KCNQ4: variants seen among roughly 807,000 people sequenced by gnomAD.
KCNQ4 encodes the protein potassium voltage-gated channel subfamily Q member 4.
In KCNQ4, 31 loss-of-function variants were observed where a neutral mutation model predicts 72.6. The observed-to-expected ratio is 0.43, with a 90% CI of 0.32 to 0.58. KCNQ4 has a LOEUF of 0.58. KCNQ4 is among the 20% of genes least tolerant of loss of function. The pLI, the probability that KCNQ4 is intolerant of heterozygous loss-of-function variation, is 0.08. For missense variants in KCNQ4, 869 were observed against 962.6 expected (o/e 0.90, Z 1.29); for synonymous variants, 405 against 403.7 (o/e 1.00, Z -0.04).
At chr1:40,837,637 G>A in intron 12 of KCNQ4, 28 bp from the exon 13 acceptor site, 1 of 1,607,012 alleles carries the variant, frequency 6.2e-7, no homozygotes. Flanking sequence ...CGTGTCCCCG[G>A]GCCCTCTGAT....
intron 12 of KCNQ4, among the ~76,000 whole-genome samples, chr1:40,835,716 GAT>G (rs1329524048): frequency 6.6e-6 from 1 of 152,222 alleles, no homozygotes; most frequent in Admixed American, 6.5e-5. Flanking sequence ...GAGAATAAGT[GAT>G]AAATAAGTAA....
Position 40,784,376 on chromosome 1 carries a change from C to G in KCNQ4, c.283C>G (p.Arg95Gly), listed in dbSNP as rs892642305. The change falls in exon 1 of 14, where the codon CGC becomes GGC. Residue 95 changes from arginine (R) to glycine (G), a missense_variant. This residue lies in a region of KCNQ4 where 178 missense variants were observed against 145.3 expected (regional missense o/e 1.22). Transcript: ENST00000347132. This position sits in a 1 kb window ranked among gnomAD's most constrained non-coding sequence, Gnocchi z 4.1. ...GGTCTACAACGTGCTGGAGCGGCCC[C>G]GCGGCTGGGCCTTCGTCTACCACGT... The part of the protein sequence containing the change: ...NWVYNVLERP[R>G]GWAFVYHVFI... The G allele has an allele frequency of 2.5e-6, 4 of 1,609,960 alleles. No individual in the cohort carries two copies. Among genetic ancestry groups the G allele is most frequent in the Non-Finnish European group, 3.4e-6 (4 of 1,179,360 alleles).
rs574794136 is a variant in KCNQ4, at chr1:40,831,193, G to A, written c.1402G>A (p.Glu468Lys). Reference protein sequence around the residue: ...PPTMPTSPSSEQVGEATSPTK... With the variant: ...PPTMPTSPSSKQVGEATSPTK... ...AACAATGCCCACCTCCCCAAGCAGC[G>A]AGCAGGTGGGTGAGGCCACCAGCCC... The change falls in exon 10 of 14, where the codon GAG (glutamate) becomes AAG (lysine). Residue 468 changes from glutamate (E) to lysine (K), a missense_variant. Physicochemically the swap from Glu to Lys is moderately conservative, Grantham distance 56. Transcript: ENST00000347132. 1.8e-5 allele frequency: 29 copies of A among 1,610,544 alleles called. No homozygotes were observed. The highest frequency in any genetic ancestry group is 1.1e-4 in the East Asian group (5 of 44,760).
intron 1 of KCNQ4, among the ~76,000 whole-genome samples, chr1:40,787,765 A>G (rs1422073058): frequency 6.6e-6 from 1 of 152,140 alleles, no homozygotes; most frequent in African/African-American, 2.4e-5. Flanking sequence ...CTGAATTTTA[A>G]GAAATACCAC....
chr1:40,810,945 T>C (rs1197411664), intron 1 of KCNQ4, among the ~76,000 whole-genome samples: 1 of 152,236 alleles, frequency 6.6e-6, no homozygotes, highest in Non-Finnish European at 1.5e-5. Context: ...TTTTCTCATT[T>C]GAATAACAGC....
intron 1 of KCNQ4, among the ~76,000 whole-genome samples, chr1:40,792,824 CA>C (rs1367258300): frequency 6.6e-6 from 1 of 152,024 alleles, no homozygotes; most frequent in Non-Finnish European, 1.5e-5. Flanking sequence ...ATTTTACAGA[CA>C]GGGGGATTAA....
chr1:40,812,553 C>T (rs559831626), intron 1 of KCNQ4, among the ~76,000 whole-genome samples: 3 of 152,304 alleles, frequency 2.0e-5, no homozygotes, highest in South Asian at 2.1e-4. Flanking sequence ...TGAGCCACCG[C>T]GCCTCGTCCC....
intron 1 of KCNQ4, among the ~76,000 whole-genome samples, chr1:40,798,343 T>G (rs1237444696): frequency 1.3e-5 from 2 of 152,192 alleles, no homozygotes; most frequent in African/African-American, 4.8e-5. Flanking sequence ...GGGCAGACGT[T>G]TTTCACATCT....
In KCNQ4 at chr1:40,818,413, C is replaced by T. The variant is rs942155748; in HGVS notation, c.533-92C>T. The T allele has an allele frequency of 4.7e-6, 7 of 1,503,602 alleles. No homozygotes were observed. In the African/African-American group the frequency reaches 9.6e-5, roughly 21 times the overall value. The allele number at this position is 1,503,602 out of a possible 1,614,324, so 93.1% of individuals were successfully genotyped here. Reference sequence around the variant, plus strand: ...GATTCAGCGGACCCTCCCCCTCCCTCCCCAGTCCCCTGCCACATCCCCAGA... The same window carrying T: ...GATTCAGCGGACCCTCCCCCTCCCTTCCCAGTCCCCTGCCACATCCCCAGA... On this transcript the variant is annotated intron_variant, in intron 3 of 13. Transcript: ENST00000347132.
intron 1 of KCNQ4, among the ~76,000 whole-genome samples, chr1:40,805,385 G>T (rs1339237064): frequency 6.6e-6 from 1 of 152,098 alleles, no homozygotes; most frequent in Non-Finnish European, 1.5e-5. Context: ...ATAGCCAGTA[G>T]ATGGTCCGCT....
chr1:40,822,247 G>A, intron 7 of KCNQ4, 67 bp from the exon 8 acceptor site: 1 of 1,326,172 alleles, frequency 7.5e-7, no homozygotes, highest in South Asian at 1.2e-5. Context: ...TTCTTTCAGG[G>A]GAGAGGGCTG....
chr1:40,833,833 C>CAA lies in KCNQ4; in HGVS notation c.1613+737_1613+738dup, dbSNP rs200163500. On this transcript the variant is annotated intron_variant, in intron 11 of 13. Transcript: ENST00000347132. ...GCAGCATAGTGAAATCTTGTCTTTGCAAAAAAAAAAAAAAAAAATTAAAAA... is the reference window on the plus strand; with the variant it reads ...GCAGCATAGTGAAATCTTGTCTTTGCAAAAAAAAAAAAAAAAAAAATTAAAAA... Among the ~76,000 whole-genome samples the CAA allele has an allele frequency of 3.7e-3, 376 of 100,588 alleles. 2 individuals carry two copies. Among genetic ancestry groups the CAA allele is most frequent in the African/African-American group, 4.8e-3 (120 of 24,746 alleles). The allele number at this position is 100,588 out of a possible 152,430, so 66.0% of individuals were successfully genotyped here.
rs1648124956 is a variant in KCNQ4, at chr1:40,817,364, T to C, written c.405+9T>C. 1 of 1,610,752 alleles carries C rather than the reference T, an allele frequency of 6.2e-7. No individual in the cohort carries two copies. The highest frequency in any genetic ancestry group is 1.3e-5 in the African/African-American group (1 of 74,746). ...AGTGTCTCCTCATCTTGGTAAGTGCTGGGAGTCCGGGACTGAGGGGGGCTG... is the reference window on the plus strand; with the variant it reads ...AGTGTCTCCTCATCTTGGTAAGTGCCGGGAGTCCGGGACTGAGGGGGGCTG... On this transcript the variant is annotated intron_variant, in intron 2 of 13. Transcript: ENST00000347132. The surrounding 1 kb of genome is among the most constrained non-coding windows in gnomAD (Gnocchi z 5.5).
chr1:40,801,232 A>G (rs1475449220), intron 1 of KCNQ4, among the ~76,000 whole-genome samples: 7 of 152,026 alleles, frequency 4.6e-5, no homozygotes, highest in East Asian at 1.9e-4. Context: ...TTGAGGGGCT[A>G]GGAAGAAAGA....
rs1187093742 is a variant in KCNQ4, at chr1:40,833,406, A to AT, written c.1613+294dup. The stretch of plus-strand genomic sequence containing the variant: ...GCCTGAGCAACAAGAGTGAAACTGT[A>AT]TAAAAAAAAAAAATGTATTTTTTAT... On this transcript the variant is annotated intron_variant, in intron 11 of 13. Transcript: ENST00000347132. Among the ~76,000 whole-genome samples the AT allele has an allele frequency of 1.4e-3, 215 of 150,932 alleles. 1 individual carries two copies. Among genetic ancestry groups the AT allele is most frequent in the African/African-American group, 4.9e-3 (197 of 40,556 alleles).
In KCNQ4 at chr1:40,837,700, G is replaced by A. The variant is rs765786785; in HGVS notation, c.1781G>A (p.Arg594Lys). 3 of 1,613,346 alleles carry A rather than the reference G, an allele frequency of 1.9e-6. No homozygotes were observed. The highest frequency in any genetic ancestry group is 1.1e-5 in the South Asian group (1 of 90,990). Residue 594 changes from arginine to lysine, a missense_variant, in exon 13 of 14, where the codon AGG (arginine) becomes AAG (lysine). Physicochemically the swap from Arg to Lys is conservative, Grantham distance 26 (BLOSUM62 2). Transcript: ENST00000347132. ...DQIVGRGPGD[R>K]KAREKGDKGP... ...ATTGTGGGTCGGGGGCCCGGGGACA[G>A]GAAGGCCCGGGAGAAGGGCGACAAG... is the stretch of plus-strand genomic sequence containing the variant.
intron 12 of KCNQ4, among the ~76,000 whole-genome samples, chr1:40,835,678 A>G (rs1648789472): frequency 1.3e-5 from 2 of 152,250 alleles, no homozygotes; most frequent in South Asian, 4.1e-4. Flanking sequence ...GAGTTCCCAC[A>G]CTTATGGAGC....
At chr1:40,826,678 G>A (rs1489072853) in intron 9 of KCNQ4, 7 of 455,738 alleles carry the variant, frequency 1.5e-5, no homozygotes, top group South Asian at 9.3e-5. Context: ...TCGGATCCAC[G>A]CCAGCTGGAG....
rs1418814533 is a variant in KCNQ4, at chr1:40,838,313, G to C, written c.1878G>C (p.Val626=). Residue 626 remains valine (V), a splice_region_variant and synonymous_variant, in exon 14 of 14, where the codon GTG becomes GTC. Transcript: ENST00000347132. ...TCCCAGCTGCGCCCCGTCCCCAGGT[G>C]CAGTCCATCGAGCACAAGCTGGACC... ...MGRVVKVEKQ[V]QSIEHKLDLL... The C allele has an allele frequency of 2.5e-6, 4 of 1,613,062 alleles. No homozygotes were observed. The Admixed American group carries it at 5.0e-5, about 20-fold the overall frequency.
Sources: gnomAD v4.1 joint callset for allele counts (sites outside exome capture counted in the v4.1 genomes callset) on GRCh38, gnomAD v4.1.1 for gene constraint, gnomAD v4.1.1 regional missense constraint, Gnocchi (gnomAD v3.1) non-coding constraint, MANE v1.5 for transcripts, NCBI Gene and HGNC (gene_info 2026-07-23, HGNC 2026-07-21) for gene names.